Variants in PIK3R2 observed in about 807,000 individuals in gnomAD.
PIK3R2 encodes phosphoinositide-3-kinase regulatory subunit 2, also known as phosphatidylinositol 3-kinase regulatory subunit beta.
PIK3R2 carries 40 observed loss-of-function variants against 78.5 expected under a neutral mutation model. The ratio of observed to expected loss-of-function variants is 0.51; its 90% confidence interval spans 0.40 to 0.66. PIK3R2 has a LOEUF of 0.66. Ranked by LOEUF, PIK3R2 falls within the 30% of genes least tolerant of loss-of-function variation. The pLI is 0.00. For missense variants in PIK3R2, 880 were observed against 1,026.6 expected, an observed-to-expected ratio of 0.86 and a Z score of 1.95; for synonymous variants, 473 against 457.7, an observed-to-expected ratio of 1.03 and a Z score of -0.43.
Position 18,161,470 on chromosome 19 carries a change from C to G in PIK3R2, c.790C>G (p.Pro264Ala), listed in dbSNP as rs2043745582. Residue 264 changes from proline (P) to alanine (A), a missense_variant, in exon 6 of 16, where the codon CCG becomes GCG. Coordinates refer to ENST00000222254, the MANE Select transcript of PIK3R2 (RefSeq NM_005027.4). The surrounding 1 kb of genome is among the most constrained non-coding windows in gnomAD (Gnocchi z 5.3). ...LLRAPPPPSS[P>A]PPGGAPDGSE... is the part of the protein sequence containing the mutation. ...GCGCGCGCCGCCGCCGCCGTCCTCG[C>G]CGCCGCCAGGGGGCGCTCCCGACGG... is the stretch of plus-strand genomic sequence containing the variant. 8.4e-7 allele frequency: 1 copy of G among 1,196,822 alleles called. No homozygotes were observed. 74.1% of individuals were successfully genotyped at this position (1,196,822 alleles called of 1,614,324 possible).
At position 18,161,308 on chromosome 19, in the gene PIK3R2, G is replaced by C. The variant is rs2043741813; in HGVS notation, c.628G>C (p.Glu210Gln). 7.4e-7 allele frequency: 1 copy of C among 1,359,726 alleles called. No homozygotes were observed. The highest frequency in any genetic ancestry group is 9.4e-7 in the Non-Finnish European group (1 of 1,062,806). The allele number at this position is 1,359,726 out of a possible 1,614,324, so 84.2% of individuals were successfully genotyped here. A position where few individuals can be genotyped will look rare whatever the true frequency, so the allele number is the denominator to read the frequency against. Residue 210 changes from glutamate to glutamine, a missense_variant, in exon 6 of 16, where the codon GAG becomes CAG. Glu to Gln is a conservative substitution (Grantham distance 29, BLOSUM62 2). Transcript: ENST00000222254. The surrounding 1 kb of genome is among the most constrained non-coding windows in gnomAD (Gnocchi z 5.3). ...EAAGPVGPALEPPTLPLHRAL... is the reference protein window; with the variant it reads ...EAAGPVGPALQPPTLPLHRAL... The stretch of plus-strand genomic sequence containing the variant: ...CGCGGGGCCCGTGGGGCCGGCGCTG[G>C]AGCCACCGACGCTGCCGCTGCACCG...
At position 18,155,776 on chromosome 19, in the gene PIK3R2, C is replaced by T; in HGVS notation, c.-104C>T. 1 of 1,103,124 alleles carries T rather than the reference C, an allele frequency of 9.1e-7. No individual in the cohort carries two copies. The highest frequency in any genetic ancestry group is 1.3e-6 in the Non-Finnish European group (1 of 797,348). 68.3% of individuals were successfully genotyped at this position (1,103,124 alleles called of 1,614,324 possible). A position where few individuals can be genotyped will look rare whatever the true frequency, so the allele number is the denominator to read the frequency against. The stretch of plus-strand genomic sequence containing the variant: ...TGCTGGAGATAGAGGTCCCAGCACC[C>T]CAAGCCAACCCAGCGGACCCTCCCA... On this transcript the variant is annotated 5_prime_UTR_variant, in exon 2 of 16. Transcript: ENST00000222254.
intron 11 of PIK3R2, among the ~76,000 whole-genome samples, chr19:18,164,576 C>T (rs1252537179): frequency 6.6e-6 from 1 of 151,864 alleles, no homozygotes; most frequent in Non-Finnish European, 1.5e-5. Context: ...TCAGGTGGAA[C>T]AGCTGGGAAT....
rs771945095 is a variant in PIK3R2, at chr19:18,169,556, C to G, written c.*262C>G. ...TCCTAACTCCCCCACCCCATATCTACGTGTCCTCCGGGCATTGCCCTCTCC... is the reference window on the plus strand; with the variant it reads ...TCCTAACTCCCCCACCCCATATCTAGGTGTCCTCCGGGCATTGCCCTCTCC... On this transcript the variant is annotated 3_prime_UTR_variant, in exon 16 of 16. Transcript: ENST00000222254. 1.7e-4 allele frequency: 55 copies of G among 315,452 alleles called. No individual in the cohort carries two copies. The highest frequency in any genetic ancestry group is 1.1e-3 in the African/African-American group (49 of 45,892). 19.5% of individuals were successfully genotyped at this position (315,452 alleles called of 1,614,324 possible).
At position 18,170,408 on chromosome 19, in the gene PIK3R2, C is replaced by T. The variant is rs1295657324; in HGVS notation, c.*1114C>T. On this transcript the variant is annotated 3_prime_UTR_variant, in exon 16 of 16. Transcript: ENST00000222254. ...TGACTGCAAAACCCTCTTTCCTCTC[C>T]TCTTTTGGGACAAGAGCCCTGGTTT... The T allele has an allele frequency of 6.6e-6, 1 of 152,126 alleles. No homozygotes were observed. The highest frequency in any genetic ancestry group is 1.5e-5 in the Non-Finnish European group (1 of 68,018). 9.4% of individuals were successfully genotyped at this position (152,126 alleles called of 1,614,324 possible).
chr19:18,165,726 G>A (rs2147956047), intron 11 of PIK3R2, among the ~76,000 whole-genome samples: 1 of 152,300 alleles, frequency 6.6e-6, no homozygotes, highest in African/African-American at 2.4e-5. Context: ...CAGTTGTCCA[G>A]GATCAGTTAG....
intron 11 of PIK3R2, among the ~76,000 whole-genome samples, chr19:18,165,890 A>T (rs1258487752): frequency 6.6e-6 from 1 of 152,146 alleles, no homozygotes; most frequent in East Asian, 1.9e-4. Context: ...GAGCTGTAGC[A>T]ACTAGATCTG....
At position 18,168,472 on chromosome 19, in the gene PIK3R2, C is replaced by T; in HGVS notation, c.1737-3C>T. On this transcript the variant is annotated splice_region_variant and splice_polypyrimidine_tract_variant and intron_variant, in intron 13 of 15. Transcript: ENST00000222254. This position sits in a 1 kb window ranked among gnomAD's most constrained non-coding sequence, Gnocchi z 4.1. ...CAAGCCCACCTTTCCTGTTCCTTCT[C>T]AGGTGGCTCACCCAGAAAGGCGCCC... is the stretch of plus-strand genomic sequence containing the variant. The T allele has an allele frequency of 1.3e-6, 1 of 780,088 alleles. No individual in the cohort carries two copies. Among genetic ancestry groups the T allele is most frequent in the Admixed American group, 1.7e-5 (1 of 58,832 alleles). The allele number at this position is 780,088 out of a possible 1,614,324, so 48.3% of individuals were successfully genotyped here.
intron 7 of PIK3R2, 45 bp downstream of exon 7, chr19:18,162,096 A>C: frequency 1.3e-6 from 2 of 1,572,444 alleles, no homozygotes; most frequent in Non-Finnish European, 1.8e-6. Context: ...TGGGGGCCGT[A>C]AATACTGATC....
At chr19:18,158,172 A>G (rs965353496) in intron 2 of PIK3R2, among the ~76,000 whole-genome samples, 6 of 152,138 alleles carry the variant, frequency 3.9e-5, no homozygotes, top group African/African-American at 1.2e-4. Context: ...TTTCCTTTCA[A>G]CCACTTTTTT....
At position 18,165,961 on chromosome 19, in the gene PIK3R2, AAAG is replaced by A. The variant is rs1445245692; in HGVS notation, c.1417-191_1417-189del. ...TTTGTGGATACCTATAGGAGGATGT[AAAG>A]AAGAAGAGGGTTTGGGGGGTGGGGT... On this transcript the variant is annotated intron_variant, in intron 11 of 15. Coordinates refer to ENST00000222254, the MANE Select transcript of PIK3R2 (RefSeq NM_005027.4). 1.3e-5 allele frequency: 9 copies of A among 708,202 alleles called. No homozygotes were observed. The East Asian group carries it at 1.6e-4, about 12-fold the overall frequency. The allele number at this position is 708,202 out of a possible 1,614,324, so 43.9% of individuals were successfully genotyped here. A position where few individuals can be genotyped will look rare whatever the true frequency, so the allele number is the denominator to read the frequency against.
chr19:18,168,732 C>G lies in PIK3R2; in HGVS notation c.1815C>G (p.Tyr605Ter), dbSNP rs747442212. Residue 605 changes from tyrosine to a stop codon, truncating the protein, a stop_gained, in exon 15 of 16, where the codon TAC (tyrosine) becomes TAG (stop). Transcript: ENST00000222254. LOFTEE classifies it high-confidence loss of function. The surrounding 1 kb of genome is among the most constrained non-coding windows in gnomAD (Gnocchi z 4.1). The part of the protein sequence containing the change: ...LGIKNETEDQ[Y>*]ALMEDEDDLP... ...CCACCGCCCCCCACCCCAGCCAGTA[C>G]GCACTCATGGAGGACGAGGACGATC... 3 of 1,584,332 alleles carry G rather than the reference C, an allele frequency of 1.9e-6. No homozygotes were observed. Among genetic ancestry groups the G allele is most frequent in the African/African-American group, 1.3e-5 (1 of 74,450 alleles).
rs183061763 is a variant in PIK3R2, at chr19:18,161,799, G to A, written c.816-167G>A. Among the ~76,000 whole-genome samples the A allele has an allele frequency of 7.9e-5, 12 of 152,326 alleles. No homozygotes were observed. The South Asian group carries it at 1.2e-3, about 16-fold the overall frequency. On this transcript the variant is annotated intron_variant, in intron 6 of 15. Coordinates refer to ENST00000222254, the MANE Select transcript of PIK3R2 (RefSeq NM_005027.4). The surrounding 1 kb of genome is among the most constrained non-coding windows in gnomAD (Gnocchi z 5.3). ...ATCTATGGAGCACTTACTGCATACAGCTATGAGGGAGCTGGCCTCGCACAT... is the reference window on the plus strand; with the variant it reads ...ATCTATGGAGCACTTACTGCATACAACTATGAGGGAGCTGGCCTCGCACAT...
Position 18,155,452 on chromosome 19 carries a change from C to T in PIK3R2, c.-423-5C>T, listed in dbSNP as rs1192490388. ...GCTAACGCTGCCCTATCCCTGTCTC[C>T]CTAGGTCGGCGTCCTCAGCTGGCCG... On this transcript the variant is annotated splice_polypyrimidine_tract_variant and splice_region_variant and intron_variant, in intron 1 of 15. Transcript: ENST00000222254. The T allele has an allele frequency of 4.9e-6, 2 of 405,622 alleles. No homozygotes were observed. Among genetic ancestry groups the T allele is most frequent in the Non-Finnish European group, 4.3e-6 (1 of 230,670 alleles). The allele number at this position is 405,622 out of a possible 1,614,324, so 25.1% of individuals were successfully genotyped here. A position where few individuals can be genotyped will look rare whatever the true frequency, so the allele number is the denominator to read the frequency against.
Position 18,169,584 on chromosome 19 carries a change from G to T in PIK3R2, c.*290G>T, listed in dbSNP as rs1327029556. 1 of 290,684 alleles carries T rather than the reference G, an allele frequency of 3.4e-6. No homozygotes were observed. 18.0% of individuals were successfully genotyped at this position (290,684 alleles called of 1,614,324 possible). ...GTCCTCCGGGCATTGCCCTCTCCAT[G>T]GCTCTGGTCACCCTGACCCTCTGCC... On this transcript the variant is annotated 3_prime_UTR_variant, in exon 16 of 16. Transcript: ENST00000222254.
chr19:18,168,835 C>G lies in PIK3R2; in HGVS notation c.1918C>G (p.Arg640Gly), dbSNP rs756594869. The G allele has an allele frequency of 3.1e-6, 5 of 1,613,706 alleles. No homozygotes were observed. Among genetic ancestry groups the G allele is most frequent in the Non-Finnish European group, 4.2e-6 (5 of 1,179,818 alleles). Reference protein sequence around the residue: ...TQAEEMLSGKRDGTFLIRESS... With the variant: ...TQAEEMLSGKGDGTFLIRESS... The stretch of plus-strand genomic sequence containing the variant: ...GGCAGAGGAGATGCTGAGTGGCAAG[C>G]GGGATGGCACCTTCCTCATCCGCGA... Residue 640 changes from arginine to glycine, a missense_variant, in exon 15 of 16, where the codon CGG becomes GGG. Transcript: ENST00000222254. The surrounding 1 kb of genome is among the most constrained non-coding windows in gnomAD (Gnocchi z 4.1).
In PIK3R2 at chr19:18,169,088, G is replaced by T; in HGVS notation, c.1981G>T (p.Val661Leu). Residue 661 changes from valine to leucine, a missense_variant and splice_region_variant, in exon 16 of 16, where the codon GTG (valine) becomes TTG (leucine). Coordinates refer to ENST00000222254, the MANE Select transcript of PIK3R2 (RefSeq NM_005027.4). Reference protein sequence around the residue: ...QRGCYACSVVVDGDTKHCVIY... With the variant: ...QRGCYACSVVLDGDTKHCVIY... ...TCCCCCTCTCGTCTGCCCCCACAGA[G>T]TGGACGGCGACACCAAGCACTGCGT... 6.2e-7 allele frequency: 1 copy of T among 1,609,944 alleles called. No individual in the cohort carries two copies.
intron 1 of PIK3R2, among the ~76,000 whole-genome samples, chr19:18,153,860 T>C (rs1451177898): frequency 6.6e-6 from 1 of 152,176 alleles, no homozygotes; most frequent in Non-Finnish European, 1.5e-5. Flanking sequence ...GGCGGTTTTC[T>C]GGGCATCCCC....
chr19:18,160,559 G>A lies in PIK3R2; in HGVS notation c.411G>A (p.Arg137=), dbSNP rs771625378. The A allele has an allele frequency of 3.1e-6, 5 of 1,612,086 alleles. No homozygotes were observed. In the East Asian group the frequency reaches 1.1e-4, roughly 36 times the overall value. Residue 137 remains arginine (R), a synonymous_variant, in exon 3 of 16, where the codon AGG becomes AGA. Transcript: ENST00000222254. ...LLVKLVEAIE[R]TGLDSESHYR... ...TGAAGCTTGTGGAGGCCATTGAAAGGACAGGTAAGTTCCAGCCTGGCTGCA... is the reference window on the plus strand; with the variant it reads ...TGAAGCTTGTGGAGGCCATTGAAAGAACAGGTAAGTTCCAGCCTGGCTGCA...
Sources: gnomAD v4.1 joint callset for allele counts (sites outside exome capture counted in the v4.1 genomes callset) on GRCh38, gnomAD v4.1.1 for gene constraint, Gnocchi (gnomAD v3.1) non-coding constraint, MANE v1.5 for transcripts, NCBI Gene and HGNC (gene_info 2026-07-23, HGNC 2026-07-21) for gene names.